Variants in CDYL observed in about 807,000 individuals in gnomAD.
The protein encoded by CDYL is chromodomain Y-like protein.
A neutral mutation model predicts 47.3 loss-of-function variants in CDYL; 8 were observed. The ratio of observed to expected loss-of-function variants is 0.17; its 90% confidence interval spans 0.10 to 0.31. CDYL has a LOEUF of 0.31. Among genes scored for constraint, CDYL ranks in the 10% least tolerant of loss-of-function variants. The pLI is 1.00. For missense variants in CDYL, 471 were observed against 701.4 expected (o/e 0.67, Z 3.71); for synonymous variants, 266 against 265.0 (o/e 1.00, Z -0.04).
intron 1 of CDYL, among the ~76,000 whole-genome samples, chr6:4,815,499 C>A (rs1045910993): frequency 2.0e-5 from 3 of 152,064 alleles, no homozygotes; most frequent in Admixed American, 6.5e-5. Flanking sequence ...TCAGAAGGAA[C>A]ACACATTTAA....
At chr6:4,752,453 C>T (rs1004355599) in intron 3 of CDYL, among the ~76,000 whole-genome samples, 3 of 152,070 alleles carry the variant, frequency 2.0e-5, no homozygotes, top group Non-Finnish European at 4.4e-5. Context: ...ATCATAACTT[C>T]GGGAAAGAAG....
At chr6:4,725,470 G>A (rs1757492972) in intron 2 of CDYL, among the ~76,000 whole-genome samples, 1 of 152,254 alleles carries the variant, frequency 6.6e-6, no homozygotes, top group Admixed American at 6.5e-5. Context: ...CCCGAGCCCT[G>A]CCCCGCTGGG....
chr6:4,885,926 C>G (rs933275675), intron 1 of CDYL, among the ~76,000 whole-genome samples: 10 of 152,164 alleles, frequency 6.6e-5, no homozygotes, highest in Non-Finnish European at 1.3e-4. Context: ...TACCTTCCCC[C>G]CAGGCCTAAG....
At position 4,733,422 on chromosome 6, in the gene CDYL, TAAAAA is replaced by T. The variant is rs5873946; in HGVS notation, c.104-1330_104-1326del. On this transcript the variant is annotated intron_variant, in intron 2 of 8. Coordinates refer to the CDYL transcript ENST00000328908. ...AAAAATGTATGTGACTCAGATAAAGTAAAAAAAAAAAAAAGAAAAAAGTGAGTGGT... is the reference window on the plus strand; with the variant it reads ...AAAAATGTATGTGACTCAGATAAAGTAAAAAAAAAGAAAAAAGTGAGTGGT... Among the ~76,000 whole-genome samples the T allele has an allele frequency of 3.3e-4, 46 of 138,884 alleles. 1 individual carries two copies. Among genetic ancestry groups the T allele is most frequent in the Admixed American group, 2.5e-3 (35 of 13,928 alleles). The allele number at this position is 138,884 out of a possible 152,430, so 91.1% of individuals were successfully genotyped here.
intron 2 of CDYL, among the ~76,000 whole-genome samples, chr6:4,728,999 A>G (rs568470877): frequency 7.2e-5 from 11 of 152,218 alleles, no homozygotes; most frequent in Admixed American, 3.9e-4. Context: ...CTTCCCAAAG[A>G]TCTTTCCTCC....
In CDYL at chr6:4,894,231, C is replaced by T. The variant is rs190151860; in HGVS notation, c.691+1852C>T. On this transcript the variant is annotated intron_variant, in intron 2 of 6. Coordinates refer to ENST00000397588, the MANE Select transcript of CDYL (RefSeq NM_004824.4). ...ACCGAAGCCAGAAGGGGAACCAGAGCGCGTGCCTTAGTGCCTCCCTGGCGT... is the reference window on the plus strand; with the variant it reads ...ACCGAAGCCAGAAGGGGAACCAGAGTGCGTGCCTTAGTGCCTCCCTGGCGT... Among the ~76,000 whole-genome samples the T allele has an allele frequency of 6.6e-5, 10 of 152,254 alleles. 1 individual carries two copies. In the East Asian group the frequency reaches 1.2e-3, roughly 18 times the overall value.
intron 2 of CDYL, among the ~76,000 whole-genome samples, chr6:4,919,680 G>A (rs1481493025): frequency 1.3e-5 from 2 of 152,112 alleles, no homozygotes; most frequent in African/African-American, 4.8e-5. Context: ...TCCATCCCAG[G>A]AGAACTAAAG....
intron 1 of CDYL, among the ~76,000 whole-genome samples, chr6:4,796,526 C>T (rs1581172202): frequency 6.6e-6 from 1 of 152,132 alleles, no homozygotes; most frequent in Admixed American, 6.5e-5. Flanking sequence ...GAGTTGGTTT[C>T]CTAAGATTAT....
chr6:4,940,357 T>C (rs1287181799), intron 4 of CDYL, among the ~76,000 whole-genome samples: 1 of 152,262 alleles, frequency 6.6e-6, no homozygotes, highest in African/African-American at 2.4e-5. Flanking sequence ...TTTCCTTTTC[T>C]TATTTGCATT....
At chr6:4,852,694 G>A (rs1180820681) in intron 1 of CDYL, among the ~76,000 whole-genome samples, 1 of 151,888 alleles carries the variant, frequency 6.6e-6, no homozygotes, top group Non-Finnish European at 1.5e-5. Flanking sequence ...ACATTTTTGT[G>A]TGTGTATCAT....
intron 3 of CDYL, among the ~76,000 whole-genome samples, chr6:4,742,179 C>A (rs914821866): frequency 2.6e-5 from 4 of 151,814 alleles, no homozygotes; most frequent in Non-Finnish European, 4.4e-5. Flanking sequence ...CATAGTGAAG[C>A]CTCATCTCTA....
chr6:4,814,192 C>G (rs76772183), intron 1 of CDYL, among the ~76,000 whole-genome samples: 1,542 of 152,234 alleles, frequency 0.01, 38 homozygotes, highest in African/African-American at 0.035. Flanking sequence ...CTTTTGGGAA[C>G]AAAACATTTT....
intron 1 of CDYL, among the ~76,000 whole-genome samples, chr6:4,855,888 G>A (rs945204142): frequency 6.6e-6 from 1 of 152,158 alleles, no homozygotes; most frequent in Non-Finnish European, 1.5e-5. Flanking sequence ...CCTTGTCACG[G>A]CCAAGCTCAG....
chr6:4,755,297 CT>C (rs1758058856), intron 3 of CDYL, among the ~76,000 whole-genome samples: 1 of 151,960 alleles, frequency 6.6e-6, no homozygotes, highest in African/African-American at 2.4e-5. Flanking sequence ...TCTTGAACTC[CT>C]GACCTCAGGT....
At chr6:4,927,950 T>C (rs1237103721) in intron 2 of CDYL, among the ~76,000 whole-genome samples, 3 of 152,234 alleles carry the variant, frequency 2.0e-5, no homozygotes, top group African/African-American at 7.2e-5. Flanking sequence ...ACCAGCTTAT[T>C]GATTCATGAT....
intron 1 of CDYL, among the ~76,000 whole-genome samples, chr6:4,864,204 T>G (rs1392908726): frequency 1.3e-5 from 2 of 152,138 alleles, no homozygotes; most frequent in Non-Finnish European, 2.9e-5. Context: ...AGCCCTGAAA[T>G]TTTTACCACT....
intron 1 of CDYL, among the ~76,000 whole-genome samples, chr6:4,835,318 G>C (rs1760266461): frequency 1.3e-5 from 2 of 152,304 alleles, no homozygotes; most frequent in South Asian, 4.2e-4. Context: ...AGGTCTGTTG[G>C]AGTTTGCTAG....
At chr6:4,891,426 G>C (rs889279956) in intron 1 of CDYL, among the ~76,000 whole-genome samples, 5 of 152,076 alleles carry the variant, frequency 3.3e-5, no homozygotes, top group Non-Finnish European at 7.4e-5. Flanking sequence ...TCGGTGGTCA[G>C]GCTTCAACAC....
intron 3 of CDYL, among the ~76,000 whole-genome samples, chr6:4,740,064 T>C (rs73717720): frequency 6.6e-6 from 1 of 152,090 alleles, no homozygotes; most frequent in East Asian, 1.9e-4. Flanking sequence ...TTTAAAAAAA[T>C]TTTCCCAAAA....
Sources: gnomAD v4.1 joint callset for allele counts (sites outside exome capture counted in the v4.1 genomes callset) on GRCh38, gnomAD v4.1.1 for gene constraint, MANE v1.5 for transcripts, NCBI Gene and HGNC (gene_info 2026-07-23, HGNC 2026-07-21) for gene names.